BICDL1: variants seen among roughly 807,000 people sequenced by gnomAD.
The protein encoded by BICDL1 is BICD family-like cargo adapter 1.
BICDL1 carries 20 observed loss-of-function variants against 76.8 expected under a neutral mutation model. The observed-to-expected ratio is 0.26, with a 90% CI of 0.18 to 0.38. The LOEUF (loss-of-function observed/expected upper bound fraction) is 0.38, where lower values mean the gene tolerates loss of function less well. Among genes scored for constraint, BICDL1 ranks in the 10% least tolerant of loss-of-function variants. The pLI is 1.00. For missense variants in BICDL1, 700 were observed against 798.6 expected (o/e 0.88, Z 1.49); for synonymous variants, 383 against 337.1 (o/e 1.14, Z -1.49).
At chr12:120,042,531 G>A (rs563694977) in intron 2 of BICDL1, among the ~76,000 whole-genome samples, 1 of 152,158 alleles carries the variant, frequency 6.6e-6, no homozygotes, top group Non-Finnish European at 1.5e-5. Flanking sequence ...CAGGCCGGGC[G>A]TGGTGGCTCA....
At chr12:120,015,311 T>G (rs999132600) in intron 2 of BICDL1, among the ~76,000 whole-genome samples, 2 of 152,300 alleles carry the variant, frequency 1.3e-5, no homozygotes, top group Non-Finnish European at 2.9e-5. Context: ...GCATAACAAA[T>G]AAGAAAGGGC....
chr12:120,032,155 T>C (rs1277733364), intron 2 of BICDL1, among the ~76,000 whole-genome samples: 1 of 152,172 alleles, frequency 6.6e-6, no homozygotes, highest in Non-Finnish European at 1.5e-5. Context: ...GGACCTCACA[T>C]CTACCTGTGT....
chr12:120,053,432 C>G (rs1952907449), intron 2 of BICDL1, among the ~76,000 whole-genome samples: 1 of 152,194 alleles, frequency 6.6e-6, no homozygotes, highest in Admixed American at 6.5e-5. Context: ...GAGCCCTTTT[C>G]CCCGTTTGTT....
At chr12:120,050,415 C>T (rs1365374954) in intron 2 of BICDL1, among the ~76,000 whole-genome samples, 2 of 150,476 alleles carry the variant, frequency 1.3e-5, no homozygotes, top group Non-Finnish European at 1.5e-5. Flanking sequence ...TACAGGTGCC[C>T]GCCACCACGC....
At chr12:119,991,230 T>C (rs1951516044) in intron 1 of BICDL1, among the ~76,000 whole-genome samples, 1 of 152,212 alleles carries the variant, frequency 6.6e-6, no homozygotes, top group Non-Finnish European at 1.5e-5. Flanking sequence ...GTTACCTAGT[T>C]TGGTTGCAGC....
At chr12:120,088,878 A>C (rs142526217) in intron 8 of BICDL1, among the ~76,000 whole-genome samples, 4,275 of 150,150 alleles carry the variant, frequency 0.028, 80 homozygotes, top group Non-Finnish European at 0.044. Flanking sequence ...GTTAGCCAGG[A>C]TGGTCTCAAT....
At chr12:120,078,086 C>T (rs772478654) in intron 7 of BICDL1, among the ~76,000 whole-genome samples, 8 of 152,202 alleles carry the variant, frequency 5.3e-5, no homozygotes, top group Non-Finnish European at 8.8e-5. Context: ...GCCCAGAAGG[C>T]CTTCTCTCTC....
At position 120,072,502 on chromosome 12, in the gene BICDL1, G is replaced by A. The variant is rs559861099; in HGVS notation, c.1090-9G>A. On this transcript the variant is annotated splice_polypyrimidine_tract_variant and intron_variant, in intron 5 of 9. Transcript: ENST00000548673. ...AGTCTGAAATGAATAGTAATTCTCTGTGGAACAGCTGAGACTGCAGCTCTG... is the reference window on the plus strand; with the variant it reads ...AGTCTGAAATGAATAGTAATTCTCTATGGAACAGCTGAGACTGCAGCTCTG... 6.2e-7 allele frequency: 1 copy of A among 1,613,740 alleles called. No homozygotes were observed. The highest frequency in any genetic ancestry group is 1.3e-5 in the African/African-American group (1 of 75,058).
chr12:120,066,160 G>A (rs985799317), intron 4 of BICDL1, among the ~76,000 whole-genome samples: 10 of 152,172 alleles, frequency 6.6e-5, no homozygotes, highest in Non-Finnish European at 1.2e-4. Flanking sequence ...AAACTGAATC[G>A]TTTATCCAAA....
chr12:119,999,839 C>T (rs1000167207), intron 2 of BICDL1: 8 of 431,980 alleles, frequency 1.9e-5, no homozygotes, highest in African/African-American at 4.1e-5. Context: ...CTTCAGTTAC[C>T]GGAGGAAAAA....
chr12:119,989,971 C>T lies in BICDL1; in HGVS notation c.103C>T (p.Arg35Trp), dbSNP rs1219042898. The T allele has an allele frequency of 1.9e-5, 28 of 1,468,856 alleles. No individual in the cohort carries two copies. The highest frequency in any genetic ancestry group is 2.3e-5 in the Non-Finnish European group (26 of 1,124,630). 91.0% of individuals were successfully genotyped at this position (1,468,856 alleles called of 1,614,324 possible). The change falls in exon 1 of 10, where the codon CGG (arginine) becomes TGG (tryptophan). Residue 35 changes from arginine to tryptophan, a missense_variant. Arg to Trp is a moderately radical substitution (Grantham distance 101). Coordinates refer to ENST00000548673, the MANE Select transcript of BICDL1 (RefSeq NM_001367886.1). ...GCCCGCCGCGGCCGGGGACGCAGTC[C>T]GGAGTCCCGCCGCCGCCGCCGCCCT... ...ELPAAAGDAVRSPAAAAALIF... is the reference protein window; with the variant it reads ...ELPAAAGDAVWSPAAAAALIF...
Position 120,080,896 on chromosome 12 carries a change from C to T in BICDL1, c.1462C>T (p.Leu488=). Residue 488 remains leucine, a synonymous_variant, in exon 8 of 10, where the codon CTG becomes TTG. Coordinates refer to ENST00000548673, the MANE Select transcript of BICDL1 (RefSeq NM_001367886.1). ...TTCATTCTCCTGTTAGGTGACACTG[C>T]TGAGTGTGGAGATGACTGCCCTAAA... ...LQRLHSQVTL[L]SVEMTALKEE... 6.2e-7 allele frequency: 1 copy of T among 1,613,242 alleles called. No homozygotes were observed. Among genetic ancestry groups the T allele is most frequent in the Non-Finnish European group, 8.5e-7 (1 of 1,179,576 alleles).
chr12:120,052,444 C>A (rs1952883175), intron 2 of BICDL1, among the ~76,000 whole-genome samples: 1 of 151,752 alleles, frequency 6.6e-6, no homozygotes, highest in Non-Finnish European at 1.5e-5. Flanking sequence ...GGTACAAAGT[C>A]ATTCATTTGG....
rs905309440 is a variant in BICDL1 at position 120,071,199 on chromosome 12, A to G, written c.910-423A>G. Among the ~76,000 whole-genome samples, 5 of 151,378 alleles carry G rather than the reference A, an allele frequency of 3.3e-5. No individual in the cohort carries two copies. The highest frequency in any genetic ancestry group is 4.4e-5 in the Non-Finnish European group (3 of 67,852). On this transcript the variant is annotated intron_variant, in intron 4 of 9. Transcript: ENST00000548673. This position sits in a 1 kb window ranked among gnomAD's most constrained non-coding sequence, Gnocchi z 4.8. ...GCACTGTCACCCAGGTTGGAGTGCA[A>G]TGGCGTGATCTTAGCTCATTGCAAC...
chr12:119,998,565 C>T lies in BICDL1; in HGVS notation c.474C>T (p.Asn158=), dbSNP rs772827510. The T allele has an allele frequency of 2.2e-5, 36 of 1,612,878 alleles. No individual in the cohort carries two copies. The Admixed American group carries it at 5.5e-4, about 25-fold the overall frequency. ...ATGAATTGAGAAGACGATTTGAGAA[C>T]CGAGAAGGGGAGTGGGAAGGCCGAG... ...EKHELRRRFE[N]REGEWEGRVS... is the part of the protein sequence containing the mutation. Residue 158 remains asparagine (N), a synonymous_variant, in exon 2 of 10, where the codon AAC becomes AAT. Transcript: ENST00000548673.
rs1434017900 is a variant in BICDL1 at position 120,089,934 on chromosome 12, G to A, written c.1584-17G>A. ...GGCACAAGGTGTCCATGTTCACCCT[G>A]GCTTGTCTGTTCTCAGGAAGAATGC... is the stretch of plus-strand genomic sequence containing the variant. On this transcript the variant is annotated splice_polypyrimidine_tract_variant and intron_variant, in intron 8 of 9. Coordinates refer to ENST00000548673, the MANE Select transcript of BICDL1 (RefSeq NM_001367886.1). 1.2e-6 allele frequency: 2 copies of A among 1,613,578 alleles called. No individual in the cohort carries two copies. Among genetic ancestry groups the A allele is most frequent in the Middle Eastern group, 1.7e-4 (1 of 6,050 alleles).
Position 120,093,051 on chromosome 12 carries a change from G to C in BICDL1, c.1756G>C (p.Glu586Gln), listed in dbSNP as rs201628586. The C allele has an allele frequency of 5.4e-4, 868 of 1,599,772 alleles. No homozygotes were observed. Among genetic ancestry groups the C allele is most frequent in the Non-Finnish European group, 6.4e-4 (754 of 1,172,220 alleles). ...DRQLMDTHLKERSQPAAALCR... is the reference protein window; with the variant it reads ...DRQLMDTHLKQRSQPAAALCR... ...GCAGCTGATGGACACGCACCTGAAAGAACGGAGCCAGCCGGCTGCTGCCCT... is the reference window on the plus strand; with the variant it reads ...GCAGCTGATGGACACGCACCTGAAACAACGGAGCCAGCCGGCTGCTGCCCT... The change falls in exon 10 of 10, where the codon GAA (glutamate) becomes CAA (glutamine). Residue 586 changes from glutamate to glutamine, a missense_variant. Transcript: ENST00000548673.
At chr12:120,033,629 C>T (rs1014935744) in intron 2 of BICDL1, among the ~76,000 whole-genome samples, 5 of 151,800 alleles carry the variant, frequency 3.3e-5, no homozygotes, top group East Asian at 3.9e-4. Context: ...CCTTGTGATC[C>T]GCCTGCCTCG....
At chr12:120,018,029 C>T (rs1225746786) in intron 2 of BICDL1, among the ~76,000 whole-genome samples, 1 of 152,180 alleles carries the variant, frequency 6.6e-6, no homozygotes, top group African/African-American at 2.4e-5. Context: ...TGGATAGGAA[C>T]CTTCTCCCCA....
Sources: gnomAD v4.1 joint callset for allele counts (sites outside exome capture counted in the v4.1 genomes callset) on GRCh38, gnomAD v4.1.1 for gene constraint, Gnocchi (gnomAD v3.1) non-coding constraint, MANE v1.5 for transcripts, NCBI Gene and HGNC (gene_info 2026-07-23, HGNC 2026-07-21) for gene names.